C10orf90: variants seen among roughly 807,000 people sequenced by gnomAD.
C10orf90 encodes the protein (E2-independent) E3 ubiquitin-conjugating enzyme FATS.
A neutral mutation model predicts 62.5 loss-of-function variants in C10orf90; 56 were observed. That is an observed-to-expected ratio of 0.90 (90% CI 0.72 to 1.12). The LOEUF (loss-of-function observed/expected upper bound fraction) is 1.12, where lower values mean the gene tolerates loss of function less well. Among genes scored for constraint, C10orf90 ranks in the 50% most tolerant of loss-of-function variants. The pLI is 0.00. For missense variants in C10orf90, 970 were observed against 880.4 expected (o/e 1.10, Z -1.29); for synonymous variants, 386 against 340.4 (o/e 1.13, Z -1.47).
rs1358899226 is a variant in C10orf90 at position 126,519,360 on chromosome 10, T to G, written c.314-5421A>C. On this transcript the variant is annotated intron_variant, in intron 2 of 9. Transcript: ENST00000488181. ...ATCTGTTGCCCAATACCGCTTGGCT[T>G]ATCTCTACAAAAGTAGCAGACAAGC... Among the ~76,000 whole-genome samples, 3 of 152,246 alleles carry G rather than the reference T, an allele frequency of 2.0e-5. No individual in the cohort carries two copies. The East Asian group carries it at 5.8e-4, about 29-fold the overall frequency.
intron 7 of C10orf90, among the ~76,000 whole-genome samples, chr10:126,443,479 C>A (rs141831474): frequency 0.041 from 6,261 of 152,038 alleles, 184 homozygotes; most frequent in Admixed American, 0.066. Flanking sequence ...GAATTAGATA[C>A]CCTGAACAGA....
chr10:126,571,681 G>A (rs1844509574), intron 2 of C10orf90, among the ~76,000 whole-genome samples: 1 of 152,216 alleles, frequency 6.6e-6, no homozygotes, highest in Non-Finnish European at 1.5e-5. Flanking sequence ...TGGGTGGGTT[G>A]AGGGGGAAGG....
rs1447417546 is a variant in C10orf90 at position 126,442,645 on chromosome 10, A to G, written c.2189-12795T>C. ...TTATTGTGTGTGTGTATATATATAT[A>G]TATATATATATATATATATATATAT... is the stretch of plus-strand genomic sequence containing the variant. On this transcript the variant is annotated intron_variant, in intron 7 of 9. Transcript: ENST00000488181. 9.1e-3 allele frequency among the ~76,000 whole-genome samples: 198 copies of G among 21,792 alleles called. 7 individuals carry two copies. The highest frequency in any genetic ancestry group is 0.024 in the African/African-American group (184 of 7,772). The allele number at this position is 21,792 out of a possible 152,430, so 14.3% of individuals were successfully genotyped here.
chr10:126,505,394 G>T (rs1234818805), intron 3 of C10orf90, among the ~76,000 whole-genome samples: 1 of 152,120 alleles, frequency 6.6e-6, no homozygotes, highest in Non-Finnish European at 1.5e-5. Flanking sequence ...AACCACCTCC[G>T]CCAAGCCCAG....
intron 2 of C10orf90, among the ~76,000 whole-genome samples, chr10:126,570,165 A>C (rs1378806166): frequency 6.6e-6 from 1 of 152,230 alleles, no homozygotes; most frequent in Non-Finnish European, 1.5e-5. Flanking sequence ...TTTATGCTGC[A>C]CTATCTCTCT....
intron 2 of C10orf90, among the ~76,000 whole-genome samples, chr10:126,617,887 T>A (rs1845573231): frequency 6.6e-6 from 1 of 152,172 alleles, no homozygotes; most frequent in African/African-American, 2.4e-5. Context: ...GAGGGAGAGA[T>A]CATCAGTCAC....
chr10:126,653,432 A>T (rs4962350), intron 1 of C10orf90, among the ~76,000 whole-genome samples: 21,005 of 152,248 alleles, frequency 0.14, 1,683 homozygotes, highest in East Asian at 0.21. Context: ...GAATAGTTCC[A>T]TCTCAAGAAA....
intron 2 of C10orf90, among the ~76,000 whole-genome samples, chr10:126,567,871 T>C (rs1341461146): frequency 6.6e-6 from 1 of 151,914 alleles, no homozygotes; most frequent in Non-Finnish European, 1.5e-5. Flanking sequence ...GAGGAGTGAC[T>C]AGGGAAAGAT....
chr10:126,508,575 G>A (rs1334879504), intron 3 of C10orf90, among the ~76,000 whole-genome samples: 1 of 151,306 alleles, frequency 6.6e-6, no homozygotes, highest in Non-Finnish European at 1.5e-5. Flanking sequence ...GGATCTATGG[G>A]GATAAAGCCT....
chr10:126,425,748 A>G lies in C10orf90; in HGVS notation c.*116T>C. 8.9e-7 allele frequency: 1 copy of G among 1,118,166 alleles called. No individual in the cohort carries two copies. The highest frequency in any genetic ancestry group is 1.6e-5 in the South Asian group (1 of 60,856). 69.3% of individuals were successfully genotyped at this position (1,118,166 alleles called of 1,614,324 possible). A position where few individuals can be genotyped will look rare whatever the true frequency, so the allele number is the denominator to read the frequency against. ...GATGTTTTCCTTTATGGAAAAAAAA[A>G]ATCGAAAGTAAAATAAGTGTTTTCC... On this transcript the variant is annotated 3_prime_UTR_variant, in exon 10 of 10. Transcript: ENST00000488181.
chr10:126,545,275 A>T (rs764016591), intron 2 of C10orf90, among the ~76,000 whole-genome samples: 2 of 152,294 alleles, frequency 1.3e-5, no homozygotes, highest in African/African-American at 4.8e-5. Context: ...CAGAAACTAC[A>T]GTTCAGTGTA....
intron 1 of C10orf90, among the ~76,000 whole-genome samples, chr10:126,659,368 C>T (rs1846462615): frequency 6.6e-6 from 1 of 152,222 alleles, no homozygotes; most frequent in Non-Finnish European, 1.5e-5. Context: ...CATCTGAGCC[C>T]TGACATAGGC....
At chr10:126,589,152 T>C (rs1026716860) in intron 2 of C10orf90, among the ~76,000 whole-genome samples, 4 of 151,892 alleles carry the variant, frequency 2.6e-5, no homozygotes, top group Non-Finnish European at 5.9e-5. Context: ...CAGACAAGAA[T>C]AGAGAAAAAA....
intron 2 of C10orf90, among the ~76,000 whole-genome samples, chr10:126,560,171 C>T (rs917349521): frequency 6.6e-6 from 1 of 152,122 alleles, no homozygotes; most frequent in Non-Finnish European, 1.5e-5. Context: ...CCTTGGCCAG[C>T]AAGAATTACT....
chr10:126,565,238 A>G (rs1420253229), intron 2 of C10orf90, among the ~76,000 whole-genome samples: 1 of 49,172 alleles, frequency 2.0e-5, no homozygotes, highest in African/African-American at 6.3e-5. Flanking sequence ...ATATTATGTA[A>G]TATAATATTT....
At chr10:126,596,697 T>C (rs933685153) in intron 2 of C10orf90, among the ~76,000 whole-genome samples, 10 of 152,204 alleles carry the variant, frequency 6.6e-5, no homozygotes, top group African/African-American at 2.2e-4. Context: ...ATGTAATTTA[T>C]TGAATACTGT....
intron 7 of C10orf90, among the ~76,000 whole-genome samples, chr10:126,430,868 C>T (rs1857532903): frequency 6.6e-6 from 1 of 152,134 alleles, no homozygotes; most frequent in Admixed American, 6.5e-5. Context: ...ATTTCTCAGG[C>T]TTGAGAATAG....
At chr10:126,638,432 C>G (rs1211634951) in intron 2 of C10orf90, among the ~76,000 whole-genome samples, 1 of 152,134 alleles carries the variant, frequency 6.6e-6, no homozygotes, top group East Asian at 1.9e-4. Context: ...ACACTTGCCT[C>G]TCACCATGCC....
intron 3 of C10orf90, among the ~76,000 whole-genome samples, chr10:126,512,656 G>T (rs1863198064): frequency 6.6e-6 from 1 of 151,888 alleles, no homozygotes; most frequent in African/African-American, 2.4e-5. Flanking sequence ...CTCCTAACTG[G>T]CATCTCCACC....
Sources: gnomAD v4.1 joint callset for allele counts (sites outside exome capture counted in the v4.1 genomes callset) on GRCh38, gnomAD v4.1.1 for gene constraint, MANE v1.5 for transcripts, NCBI Gene and HGNC (gene_info 2026-07-23, HGNC 2026-07-21) for gene names.